DPYS: variants seen among roughly 807,000 people sequenced by gnomAD.
DPYS encodes dihydropyrimidinase.
DPYS carries 39 observed loss-of-function variants against 50.3 expected under a neutral mutation model. The observed-to-expected ratio is 0.78, with a 90% CI of 0.60 to 1.01. The LOEUF is 1.01. DPYS is among the 50% of genes least tolerant of loss of function. DPYS has a pLI of 0.00. For missense variants in DPYS, 659 were observed against 680.9 expected (o/e 0.97, Z 0.36); for synonymous variants, 245 against 250.7 (o/e 0.98, Z 0.22).
chr8:104,426,444 C>T (rs1427504796), intron 6 of DPYS, among the ~76,000 whole-genome samples: 1 of 152,132 alleles, frequency 6.6e-6, no homozygotes, highest in Admixed American at 6.5e-5. Flanking sequence ...TGTGAGATTA[C>T]TGCAAAGGTC....
At chr8:104,395,614 G>T (rs1276737340) in intron 7 of DPYS, among the ~76,000 whole-genome samples, 1 of 152,144 alleles carries the variant, frequency 6.6e-6, no homozygotes, top group Non-Finnish European at 1.5e-5. Flanking sequence ...CATCCAATTT[G>T]TTTTGTGTAT....
intron 1 of DPYS, among the ~76,000 whole-genome samples, chr8:104,462,803 C>T (rs6981049): frequency 1.2e-3 from 180 of 152,256 alleles, no homozygotes; most frequent in African/African-American, 4.0e-3. Flanking sequence ...TTCCATTGTC[C>T]TTCCTCATAG....
intron 8 of DPYS, among the ~76,000 whole-genome samples, chr8:104,384,382 TG>T (rs1161870983): frequency 6.6e-6 from 1 of 152,252 alleles, no homozygotes; most frequent in African/African-American, 2.4e-5. Flanking sequence ...CATTGTTCTC[TG>T]GGCATGTTTT....
intron 7 of DPYS, among the ~76,000 whole-genome samples, chr8:104,401,494 C>T (rs892435011): frequency 7.2e-5 from 11 of 152,064 alleles, no homozygotes; most frequent in Non-Finnish European, 1.5e-4. Context: ...AATACTGCCC[C>T]TCGAAAGCTT....
At chr8:104,393,118 G>GT in intron 7 of DPYS, 127 bp from the exon 8 acceptor site, 1 of 771,170 alleles carries the variant, frequency 1.3e-6, no homozygotes, top group East Asian at 2.7e-5. Flanking sequence ...CTTCATCACT[G>GT]TAACAAGTAA....
At chr8:104,422,879 T>G (rs574439337) in intron 7 of DPYS, among the ~76,000 whole-genome samples, 5 of 152,288 alleles carry the variant, frequency 3.3e-5, no homozygotes, top group African/African-American at 1.2e-4. Context: ...ATTTTAAATA[T>G]CAGGAGTTCT....
chr8:104,416,519 C>T (rs1673255714), intron 7 of DPYS, among the ~76,000 whole-genome samples: 1 of 152,170 alleles, frequency 6.6e-6, no homozygotes, highest in South Asian at 2.1e-4. Flanking sequence ...ACACAATGCA[C>T]ACTGGGATGC....
At chr8:104,458,907 T>C (rs888579142) in intron 1 of DPYS, among the ~76,000 whole-genome samples, 1 of 152,238 alleles carries the variant, frequency 6.6e-6, no homozygotes, top group African/African-American at 2.4e-5. Context: ...AATTTTAGTT[T>C]ATTTCTGTAT....
chr8:104,381,795 GC>G (rs1811053938), intron 8 of DPYS, among the ~76,000 whole-genome samples: 1 of 151,630 alleles, frequency 6.6e-6, no homozygotes, highest in Non-Finnish European at 1.5e-5. Flanking sequence ...CGACTATGCA[GC>G]AGAACCCTCT....
intron 1 of DPYS, among the ~76,000 whole-genome samples, 195 bp from the exon 2 acceptor site, chr8:104,451,599 C>A (rs952836171): frequency 6.6e-6 from 1 of 152,040 alleles, no homozygotes; most frequent in Non-Finnish European, 1.5e-5. Context: ...AAGTATTAAA[C>A]CTGCTGGAAT....
At chr8:104,413,498 C>T (rs1310640157) in intron 7 of DPYS, among the ~76,000 whole-genome samples, 1 of 151,860 alleles carries the variant, frequency 6.6e-6, no homozygotes, top group Admixed American at 6.6e-5. Flanking sequence ...ACTCTTTGTA[C>T]CTTTTGTTTA....
chr8:104,429,772 ATAT>A, intron 4 of DPYS, 71 bp from the exon 5 acceptor site: 1 of 1,587,070 alleles, frequency 6.3e-7, no homozygotes, highest in Non-Finnish European at 8.6e-7. Flanking sequence ...AAACACATAA[ATAT>A]TAATCTTTTC....
chr8:104,401,845 T>G (rs767207529), intron 7 of DPYS, among the ~76,000 whole-genome samples: 4 of 152,224 alleles, frequency 2.6e-5, no homozygotes, highest in Non-Finnish European at 5.9e-5. Flanking sequence ...TTGTCATTAT[T>G]AAGCAAAGTT....
intron 8 of DPYS, among the ~76,000 whole-genome samples, chr8:104,387,341 AAAT>A (rs1811244352): frequency 6.6e-6 from 1 of 152,096 alleles, no homozygotes; most frequent in African/African-American, 2.4e-5. Flanking sequence ...TTGAAGCAAT[AAAT>A]AAATAAATAA....
chr8:104,416,228 G>C (rs1317069032), intron 7 of DPYS, among the ~76,000 whole-genome samples: 1 of 152,156 alleles, frequency 6.6e-6, no homozygotes, highest in African/African-American at 2.4e-5. Flanking sequence ...GTGTGGATTA[G>C]CAACAGATAT....
chr8:104,444,248 C>T lies in DPYS; in HGVS notation c.793G>A (p.Gly265Arg). ...AAGTGAGGTTACATTCGAGAATTAC[C>T]ATCTCTCCTTGCATCCGCTATCACC... ...AKVIADARRD[G>R]KVVYGEPIAA... The change falls in exon 4 of 10, where the codon GGG (glycine) becomes AGG (arginine). Residue 265 changes from glycine (G) to arginine (R), a missense_variant and splice_region_variant. Coordinates refer to ENST00000351513, the MANE Select transcript of DPYS (RefSeq NM_001385.3). The T allele has an allele frequency of 1.9e-6, 3 of 1,614,100 alleles. No homozygotes were observed. The highest frequency in any genetic ancestry group is 2.5e-6 in the Non-Finnish European group (3 of 1,179,986).
intron 1 of DPYS, among the ~76,000 whole-genome samples, chr8:104,459,400 T>C (rs1186692210): frequency 2.6e-5 from 4 of 152,252 alleles, no homozygotes; most frequent in Non-Finnish European, 5.9e-5. Context: ...ACCTCTAGTC[T>C]GTTTACCGCT....
chr8:104,411,526 A>G (rs2140573799), intron 7 of DPYS, among the ~76,000 whole-genome samples: 1 of 152,362 alleles, frequency 6.6e-6, no homozygotes, highest in African/African-American at 2.4e-5. Flanking sequence ...TCACGGGAAG[A>G]AAATATAACA....
At chr8:104,425,011 G>C (rs1031785001) in intron 6 of DPYS, among the ~76,000 whole-genome samples, 1 of 151,958 alleles carries the variant, frequency 6.6e-6, no homozygotes, top group Admixed American at 6.6e-5. Flanking sequence ...TCTGTATTTA[G>C]TAGAGACGGG....
Sources: allele counts gnomAD v4.1 joint callset (sites outside exome capture counted in the v4.1 genomes callset), GRCh38; gene constraint gnomAD v4.1.1; transcripts MANE v1.5; gene names NCBI Gene and HGNC (gene_info 2026-07-23, HGNC 2026-07-21).